The following DLG2 variants were observed in gnomAD, a reference collection of about 807,000 sequenced individuals.
DLG2 encodes discs large MAGUK scaffold protein 2, also known as disks large homolog 2.
A neutral mutation model predicts 132.5 loss-of-function variants in DLG2; 45 were observed. That is an observed-to-expected ratio of 0.34 (90% CI 0.27 to 0.44). DLG2 has a LOEUF of 0.44. Ranked by LOEUF, DLG2 falls within the 20% of genes least tolerant of loss-of-function variation. DLG2 has a pLI of 1.00. For missense variants in DLG2, 1,045 were observed against 1,196.9 expected, an observed-to-expected ratio of 0.87 and a Z score of 1.87; for synonymous variants, 424 against 419.6, an observed-to-expected ratio of 1.01 and a Z score of -0.13.
chr11:83,494,823 A>G (rs926541185), intron 21 of DLG2, among the ~76,000 whole-genome samples: 1 of 152,138 alleles, frequency 6.6e-6, no homozygotes, highest in Admixed American at 6.6e-5. Flanking sequence ...TATTGCAAGG[A>G]TACTAGAAAA....
intron 7 of DLG2, among the ~76,000 whole-genome samples, chr11:84,315,751 T>C (rs1330497941): frequency 1.3e-5 from 2 of 152,168 alleles, no homozygotes; most frequent in Non-Finnish European, 2.9e-5. Flanking sequence ...AGGCCATATA[T>C]ATGGCTATGC....
chr11:84,620,589 G>T (rs1162886191), intron 6 of DLG2, among the ~76,000 whole-genome samples: 1 of 151,990 alleles, frequency 6.6e-6, no homozygotes, highest in Non-Finnish European at 1.5e-5. Context: ...TTATTTTACA[G>T]AAGCAGACAC....
At chr11:83,497,489 C>G (rs372345149) in intron 21 of DLG2, among the ~76,000 whole-genome samples, 1 of 150,912 alleles carries the variant, frequency 6.6e-6, no homozygotes, top group East Asian at 1.9e-4. Context: ...GAGCCGAGAT[C>G]ACACCATTGC....
chr11:84,908,850 T>C (rs1374010172), intron 6 of DLG2, among the ~76,000 whole-genome samples: 2 of 151,252 alleles, frequency 1.3e-5, no homozygotes, highest in Non-Finnish European at 3.0e-5. Flanking sequence ...GCTTTCAACA[T>C]ATAAGTTTTT....
chr11:84,391,219 G>A (rs1163441559), intron 7 of DLG2, among the ~76,000 whole-genome samples: 1 of 152,146 alleles, frequency 6.6e-6, no homozygotes, highest in Non-Finnish European at 1.5e-5. Context: ...CTAAAAACAA[G>A]TGCTGATATG....
At chr11:83,944,361 T>C (rs761350399) in intron 14 of DLG2, among the ~76,000 whole-genome samples, 1 of 152,228 alleles carries the variant, frequency 6.6e-6, no homozygotes, top group Non-Finnish European at 1.5e-5. Context: ...TGTTTTCTTG[T>C]ACACTGTTGG....
intron 17 of DLG2, among the ~76,000 whole-genome samples, chr11:83,809,310 T>C (rs1180904594): frequency 6.6e-6 from 1 of 152,124 alleles, no homozygotes; most frequent in Non-Finnish European, 1.5e-5. Flanking sequence ...AATAGCAAAA[T>C]TATCTGTGCT....
chr11:84,022,450 G>T (rs2095421951), intron 11 of DLG2, among the ~76,000 whole-genome samples: 1 of 152,122 alleles, frequency 6.6e-6, no homozygotes, highest in Non-Finnish European at 1.5e-5. Flanking sequence ...AGGAAGTGTT[G>T]CACACAAAAG....
intron 14 of DLG2, among the ~76,000 whole-genome samples, chr11:83,933,696 C>G (rs1277217471): frequency 6.6e-6 from 1 of 151,668 alleles, no homozygotes; most frequent in East Asian, 1.9e-4. Context: ...TTGCCTATAA[C>G]TGCTCCTTCC....
intron 7 of DLG2, among the ~76,000 whole-genome samples, chr11:84,373,269 A>AAAAAAAAAAAAAAAAAAAAAAAAAAAAAC (rs1555532736): frequency 7.8e-6 from 1 of 128,430 alleles, no homozygotes; most frequent in Non-Finnish European, 1.6e-5. Flanking sequence ...AAAAAACAAA[A>AAAAAAAAAAAAAAAAAAAAAAAAAAAAAC]CAAAAAAAAA....
At chr11:84,273,223 A>T in intron 7 of DLG2, 1 of 1,560,348 alleles carries the variant, frequency 6.4e-7, no homozygotes, top group Non-Finnish European at 8.7e-7. Flanking sequence ...AAAGCTGATA[A>T]TTCTCAGCCC....
intron 3 of DLG2, among the ~76,000 whole-genome samples, chr11:85,379,181 G>A (rs187548847): frequency 2.8e-4 from 43 of 152,256 alleles, no homozygotes; most frequent in African/African-American, 1.0e-3. Flanking sequence ...ATGCGGAGAA[G>A]AGTGGGATGA....
chr11:85,171,026 T>C (rs140097361), intron 4 of DLG2, among the ~76,000 whole-genome samples: 1 of 151,774 alleles, frequency 6.6e-6, no homozygotes, highest in African/African-American at 2.4e-5. Context: ...ATCAGAAAAC[T>C]ACCAACCGGA....
intron 8 of DLG2, among the ~76,000 whole-genome samples, chr11:84,220,107 C>A (rs2096893018): frequency 1.3e-5 from 2 of 152,178 alleles, no homozygotes; most frequent in Non-Finnish European, 2.9e-5. Flanking sequence ...ACTTTCCACT[C>A]TCCTTAGTGT....
intron 7 of DLG2, among the ~76,000 whole-genome samples, chr11:84,283,528 C>A (rs199992797): frequency 6.6e-6 from 1 of 152,094 alleles, no homozygotes; most frequent in East Asian, 1.9e-4. Context: ...AGATTAAATT[C>A]ACATCTTTTG....
At position 83,888,256 on chromosome 11, in the gene DLG2, A is replaced by G. The variant is rs193059908; in HGVS notation, c.1497-13768T>C. On this transcript the variant is annotated intron_variant, in intron 15 of 27. Transcript: ENST00000376104. Reference sequence around the variant, plus strand: ...TGATAAGCAACTTCAGCAAAGTCTCAGGATACATTATCAATGTACAAAAAT... The same window carrying G: ...TGATAAGCAACTTCAGCAAAGTCTCGGGATACATTATCAATGTACAAAAAT... Among the ~76,000 whole-genome samples, 282 of 152,314 alleles carry G rather than the reference A, an allele frequency of 1.9e-3. 2 individuals are homozygous for G. Among genetic ancestry groups the G allele is most frequent in the African/African-American group, 6.6e-3 (274 of 41,562 alleles).
chr11:85,400,853 A>G (rs2152962983), intron 3 of DLG2, among the ~76,000 whole-genome samples: 1 of 151,928 alleles, frequency 6.6e-6, no homozygotes, highest in East Asian at 1.9e-4. Flanking sequence ...TAATGAGTGC[A>G]GCACACCAGC....
chr11:83,818,310 C>A (rs1565191377), intron 17 of DLG2, among the ~76,000 whole-genome samples: 1 of 152,122 alleles, frequency 6.6e-6, no homozygotes, highest in Non-Finnish European at 1.5e-5. Flanking sequence ...TCCTTTGTGG[C>A]CTGATGAAAA....
Position 84,087,990 on chromosome 11 carries a change from T to A in DLG2, c.749+10933A>T, listed in dbSNP as rs539393036. 1.2e-4 allele frequency among the ~76,000 whole-genome samples: 19 copies of A among 152,352 alleles called. No homozygotes were observed. The East Asian group carries it at 3.1e-3, about 25-fold the overall frequency. The stretch of plus-strand genomic sequence containing the variant: ...TTTTTAAATTGGGTTATCTTCTTAT[T>A]GTTGAGTTGTAGGAGTTTTATTACA... On this transcript the variant is annotated intron_variant, in intron 10 of 27. Transcript: ENST00000376104.
Sources: gnomAD v4.1 joint callset for allele counts (sites outside exome capture counted in the v4.1 genomes callset) on GRCh38, gnomAD v4.1.1 for gene constraint, MANE v1.5 for transcripts, NCBI Gene and HGNC (gene_info 2026-07-23, HGNC 2026-07-21) for gene names.